Variants in LYPD6 observed in about 807,000 individuals in gnomAD.
LYPD6 encodes the protein ly6/PLAUR domain-containing protein 6.
In LYPD6, 15 loss-of-function variants were observed where a neutral mutation model predicts 22.7. The observed-to-expected ratio is 0.66, with a 90% CI of 0.44 to 1.02. The LOEUF (loss-of-function observed/expected upper bound fraction) is 1.02, where lower values mean the gene tolerates loss of function less well. Among genes scored for constraint, LYPD6 ranks in the 50% least tolerant of loss-of-function variants. The pLI, the probability that LYPD6 is intolerant of heterozygous loss-of-function variation, is 0.00. For synonymous variants in LYPD6, 72 were observed against 77.5 expected, an observed-to-expected ratio of 0.93 and a Z score of 0.37; for missense variants, 189 against 208.4, an observed-to-expected ratio of 0.91 and a Z score of 0.57.
upstream of LYPD6, chr2:149,330,171 G>A (rs1680900562): frequency 6.6e-6 from 1 of 152,162 alleles, no homozygotes; most frequent in South Asian, 2.1e-4. Flanking sequence ...CTGGCGGCTA[G>A]GGAGAGGCGC....
chr2:149,386,001 T>TC (rs11383088), intron 1 of LYPD6, among the ~76,000 whole-genome samples: 4,126 of 151,452 alleles, frequency 0.027, 176 homozygotes, highest in African/African-American at 0.094. Flanking sequence ...AGATTCAGAA[T>TC]CCCCCCCCAA....
intron 1 of LYPD6, among the ~76,000 whole-genome samples, chr2:149,369,729 C>T (rs1416751257): frequency 1.3e-5 from 2 of 152,156 alleles, no homozygotes; most frequent in Admixed American, 1.3e-4. Context: ...GTCCACTGTG[C>T]TAGATGCCGC....
intron 1 of LYPD6, among the ~76,000 whole-genome samples, chr2:149,360,451 A>G (rs1402508250): frequency 6.6e-6 from 1 of 152,172 alleles, no homozygotes; most frequent in Admixed American, 6.5e-5. Context: ...ATCAACATCT[A>G]CCATGCACTT....
At chr2:149,407,741 T>A (rs921673881) in intron 1 of LYPD6, among the ~76,000 whole-genome samples, 2 of 152,234 alleles carry the variant, frequency 1.3e-5, no homozygotes, top group Admixed American at 1.3e-4. Flanking sequence ...CTTGTGAAAG[T>A]CATCCTCCTT....
chr2:149,434,874 T>C (rs1246699114), intron 1 of LYPD6, among the ~76,000 whole-genome samples: 2 of 152,126 alleles, frequency 1.3e-5, no homozygotes, highest in Non-Finnish European at 2.9e-5. Flanking sequence ...TGAAACATCA[T>C]CATCACTGGG....
At chr2:149,380,534 A>C (rs1054546521) in intron 1 of LYPD6, among the ~76,000 whole-genome samples, 1 of 152,226 alleles carries the variant, frequency 6.6e-6, no homozygotes, top group Non-Finnish European at 1.5e-5. Flanking sequence ...CTGAACAGCT[A>C]GAAACATGGG....
intron 3 of LYPD6, among the ~76,000 whole-genome samples, chr2:149,449,453 G>A (rs1683761894): frequency 6.6e-6 from 1 of 152,176 alleles, no homozygotes; most frequent in South Asian, 2.1e-4. Context: ...CTGCCACTCT[G>A]AGGCATTAGT....
downstream of LYPD6, chr2:149,474,215 A>G (rs1681411391): frequency 6.6e-6 from 1 of 151,676 alleles, no homozygotes; most frequent in African/African-American, 2.4e-5. Flanking sequence ...TTTTTTTGAG[A>G]CAGCAGGGTC....
At chr2:149,438,550 A>T (rs1214337171) in intron 2 of LYPD6, among the ~76,000 whole-genome samples, 2 of 152,176 alleles carry the variant, frequency 1.3e-5, no homozygotes, top group Non-Finnish European at 2.9e-5. Flanking sequence ...TGTATTGTGT[A>T]TATTCTGACC....
At chr2:149,421,249 G>A (rs1455473568) in intron 1 of LYPD6, among the ~76,000 whole-genome samples, 1 of 151,942 alleles carries the variant, frequency 6.6e-6, no homozygotes, top group African/African-American at 2.4e-5. Flanking sequence ...CATTAGCCCG[G>A]CCTGGTGGCG....
intron 2 of LYPD6, among the ~76,000 whole-genome samples, chr2:149,447,602 T>C (rs1683716975): frequency 1.3e-5 from 2 of 152,176 alleles, no homozygotes. Context: ...TCTCCAGGGG[T>C]TCATAATGAC....
chr2:149,468,868 C>A, intron 4 of LYPD6, 93 bp downstream of exon 4: 1 of 1,327,776 alleles, frequency 7.5e-7, no homozygotes, highest in East Asian at 2.3e-5. Flanking sequence ...CTTACTCCCC[C>A]GTGAAGGCTG....
chr2:149,398,413 TTGTGTGTGTGTGTGTGTGTGTG>T (rs10584410), intron 1 of LYPD6, among the ~76,000 whole-genome samples: 1 of 147,762 alleles, frequency 6.8e-6, no homozygotes, highest in African/African-American at 2.5e-5. Flanking sequence ...AAAGATGGCT[TTGTGTGTGTGTGTGTGTGTGTG>T]TGTGTGTGTG....
intron 1 of LYPD6, among the ~76,000 whole-genome samples, chr2:149,340,062 A>G (rs1681130235): frequency 6.6e-6 from 1 of 152,166 alleles, no homozygotes; most frequent in Admixed American, 6.5e-5. Flanking sequence ...TTTGGAAATC[A>G]TTATTGCTAC....
intron 1 of LYPD6, among the ~76,000 whole-genome samples, chr2:149,332,154 T>C (rs147008139): frequency 1.3e-5 from 2 of 152,368 alleles, no homozygotes; most frequent in South Asian, 2.1e-4. Flanking sequence ...AGTTTCCACC[T>C]CGACCAAAGG....
intron 1 of LYPD6, among the ~76,000 whole-genome samples, chr2:149,409,521 T>C (rs569732669): frequency 8.4e-4 from 128 of 152,308 alleles, no homozygotes; most frequent in African/African-American, 2.9e-3. Flanking sequence ...CAAGAGATTA[T>C]GGCCTTTGTC....
Position 149,437,743 on chromosome 2 carries a change from T to C in LYPD6, c.35T>C (p.Leu12Pro), listed in dbSNP as rs1454391113. The change falls in exon 2 of 5, where the codon CTC becomes CCC. Residue 12 changes from leucine (L) to proline (P), a missense_variant. Physicochemically the swap from Leu to Pro is moderately conservative, Grantham distance 98. Coordinates refer to ENST00000334166, the MANE Select transcript of LYPD6 (RefSeq NM_194317.5). ...EPGPALAWLLLLSLLADCLKA... is the reference protein window; with the variant it reads ...EPGPALAWLLPLSLLADCLKA... ...GGCCCTGCTCTGGCCTGGCTCCTGC[T>C]CCTGAGCCTGCTGGCGGATTGTCTG... is the stretch of plus-strand genomic sequence containing the variant. 6.2e-7 allele frequency: 1 copy of C among 1,614,072 alleles called. No individual in the cohort carries two copies. The highest frequency in any genetic ancestry group is 8.5e-7 in the Non-Finnish European group (1 of 1,180,036).
intron 1 of LYPD6, among the ~76,000 whole-genome samples, chr2:149,349,545 T>C (rs575776707): frequency 2.6e-5 from 4 of 152,344 alleles, no homozygotes; most frequent in East Asian, 1.9e-4. Context: ...GATTTTCTCA[T>C]GTGTGGAAGC....
chr2:149,422,563 A>C (rs1307436933), intron 1 of LYPD6, among the ~76,000 whole-genome samples: 1 of 152,176 alleles, frequency 6.6e-6, no homozygotes, highest in East Asian at 1.9e-4. Flanking sequence ...AATCAGGCTA[A>C]TTAACTTATC....
Sources: allele counts gnomAD v4.1 joint callset (sites outside exome capture counted in the v4.1 genomes callset), GRCh38; gene constraint gnomAD v4.1.1; transcripts MANE v1.5; gene names NCBI Gene and HGNC (gene_info 2026-07-23, HGNC 2026-07-21).